MELTF: variants seen among roughly 807,000 people sequenced by gnomAD.
MELTF encodes antigen p97 (melanoma associated) identified by monoclonal antibodies 133.2 and 96.5.
A neutral mutation model predicts 83.7 loss-of-function variants in MELTF; 67 were observed. The observed-to-expected ratio is 0.80, with a 90% CI of 0.66 to 0.98. The LOEUF is 0.98. Among genes scored for constraint, MELTF ranks in the 50% least tolerant of loss-of-function variants. The pLI, the probability that MELTF is intolerant of heterozygous loss-of-function variation, is 0.00. For synonymous variants in MELTF, 462 were observed against 447.6 expected, an observed-to-expected ratio of 1.03 and a Z score of -0.41; for missense variants, 1,002 against 1,035.6, an observed-to-expected ratio of 0.97 and a Z score of 0.44.
chr3:197,027,658 G>C, intron 2 of MELTF, 98 bp downstream of exon 2: 1 of 1,404,686 alleles, frequency 7.1e-7, no homozygotes, highest in South Asian at 1.4e-5. Context: ...GGGCCTGGCA[G>C]GGCGAGGTCG....
Position 197,016,222 on chromosome 3 carries a change from G to A in MELTF, c.1048C>T (p.His350Tyr). 1 of 1,595,138 alleles carries A rather than the reference G, an allele frequency of 6.3e-7. No individual in the cohort carries two copies. Residue 350 changes from histidine (H) to tyrosine (Y), a missense_variant, in exon 8 of 16, where the codon CAC becomes TAC. Physicochemically the swap from His to Tyr is moderately conservative, Grantham distance 83 (BLOSUM62 2). Coordinates refer to ENST00000296350, the MANE Select transcript of MELTF (RefSeq NM_005929.6). ...TCACAGAGCAGACCCTTCATGGCGTGCAGGTACTCATGGCCCAGCCACGCC... is the reference window on the plus strand; with the variant it reads ...TCACAGAGCAGACCCTTCATGGCGTACAGGTACTCATGGCCCAGCCACGCC... ...YEAWLGHEYL[H>Y]AMKGLLCDPN...
At position 197,021,463 on chromosome 3, in the gene MELTF, G is replaced by T; in HGVS notation, c.653C>A (p.Ala218Glu). Residue 218 changes from alanine (A) to glutamate (E), a missense_variant, in exon 6 of 16, where the codon GCG becomes GAG. Transcript: ENST00000296350. ...AAAAGCCACGTCCCCTGCCCCTTCC[G>T]CCAGGCACCTGCGGAGGAGAAGCTG... is the stretch of plus-strand genomic sequence containing the variant. ...YDYSGAFRCL[A>E]EGAGDVAFVK... The T allele has an allele frequency of 6.2e-7, 1 of 1,613,678 alleles. No homozygotes were observed.
intron 9 of MELTF, 45 bp downstream of exon 9, chr3:197,015,320 C>G (rs1308138592): frequency 6.5e-7 from 1 of 1,527,960 alleles, no homozygotes; most frequent in Non-Finnish European, 8.8e-7. Flanking sequence ...CAGGCACTGC[C>G]ACCACCCGCC....
At position 197,009,621 on chromosome 3, in the gene MELTF, TGAG is replaced by T. The variant is rs762499370; in HGVS notation, c.1519_1521del (p.Leu507del). 1.2e-6 allele frequency: 2 copies of T among 1,602,520 alleles called. No individual in the cohort carries two copies. The highest frequency in any genetic ancestry group is 1.7e-6 in the Non-Finnish European group (2 of 1,170,458). On this transcript the variant is annotated inframe_deletion, in exon 11 of 16. Transcript: ENST00000296350. ...GTTCCTAAAAAGGGGGGGGTACCTGTGAGGACGTCACAGTCCTTGGGCCGGATG... is the reference window on the plus strand; with the variant it reads ...GTTCCTAAAAAGGGGGGGGTACCTGTGACGTCACAGTCCTTGGGCCGGATG...
Position 197,007,739 on chromosome 3 carries a change from G to A in MELTF, c.1750+918C>T, listed in dbSNP as rs1458174192. ...CTCTGCTGGGGCAAATGGTCCTACCGCCTTGGTGACCCCCATAGGAGGCAA... is the reference window on the plus strand; with the variant it reads ...CTCTGCTGGGGCAAATGGTCCTACCACCTTGGTGACCCCCATAGGAGGCAA... On this transcript the variant is annotated intron_variant, in intron 13 of 15. Transcript: ENST00000296350. This position sits in a 1 kb window ranked among gnomAD's most constrained non-coding sequence, Gnocchi z 4.3. Among the ~76,000 whole-genome samples, 2 of 152,186 alleles carry A rather than the reference G, an allele frequency of 1.3e-5. No individual in the cohort carries two copies. Among genetic ancestry groups the A allele is most frequent in the Non-Finnish European group, 1.5e-5 (1 of 68,034 alleles).
chr3:197,012,442 G>A (rs923986478), intron 9 of MELTF, among the ~76,000 whole-genome samples: 1 of 152,266 alleles, frequency 6.6e-6, no homozygotes, highest in African/African-American at 2.4e-5. Flanking sequence ...CAGCTTGCGC[G>A]ATGGTCATCG....
chr3:197,020,489 G>GCACACACA (rs57202737), intron 6 of MELTF, among the ~76,000 whole-genome samples: 1 of 149,386 alleles, frequency 6.7e-6, no homozygotes, highest in African/African-American at 2.5e-5. Flanking sequence ...GAACACACAC[G>GCACACACA]CACACACACA....
In MELTF at chr3:197,017,170, G is replaced by A. The variant is rs796843985; in HGVS notation, c.833C>T (p.Ala278Val). 3.1e-6 allele frequency: 5 copies of A among 1,610,488 alleles called. No individual in the cohort carries two copies. The African/African-American group carries it at 5.3e-5, about 17-fold the overall frequency. Residue 278 changes from alanine to valine, a missense_variant, in exon 7 of 16, where the codon GCT (alanine) becomes GTT (valine). Physicochemically the swap from Ala to Val is moderately conservative, Grantham distance 64. Coordinates refer to ENST00000296350, the MANE Select transcript of MELTF (RefSeq NM_005929.6). ...GTCGGCCCGGACCACCACGGCGTGA[G>A]CAGGCACCCGGGCCAGATGGCACTG... The part of the protein sequence containing the change: ...WRQCHLARVP[A>V]HAVVVRADTD...
chr3:197,022,221 A>C lies in MELTF; in HGVS notation c.644+736T>G, dbSNP rs1230501947. Among the ~76,000 whole-genome samples, 1 of 152,072 alleles carries C rather than the reference A, an allele frequency of 6.6e-6. No homozygotes were observed. Among genetic ancestry groups the C allele is most frequent in the African/African-American group, 2.4e-5 (1 of 41,346 alleles). On this transcript the variant is annotated intron_variant, in intron 5 of 15. Transcript: ENST00000296350. The surrounding 1 kb of genome is among the most constrained non-coding windows in gnomAD (Gnocchi z 5.1). ...GGGTCCCCACGGGCAGAAAATGCAC[A>C]GGGATTAGAGCAGATCGGGGCGGGC...
At chr3:197,016,505 T>A in intron 7 of MELTF, 136 bp from the exon 8 acceptor site, 1 of 713,648 alleles carries the variant, frequency 1.4e-6, no homozygotes, top group Non-Finnish European at 2.2e-6. Flanking sequence ...GAGGCCTCCC[T>A]CTTCTGCGGC....
intron 3 of MELTF, 172 bp downstream of exon 3, chr3:197,026,488 G>C: frequency 1.6e-6 from 1 of 614,598 alleles, no homozygotes. Flanking sequence ...TGTCCCTGGA[G>C]CTCCTGTCCC....
intron 14 of MELTF, among the ~76,000 whole-genome samples, chr3:197,005,597 G>T (rs1718944777): frequency 6.6e-6 from 1 of 152,236 alleles, no homozygotes; most frequent in South Asian, 2.1e-4. Context: ...AGTGGCCAGA[G>T]AGTGAGAGGA....
rs924238497 is a variant in MELTF at position 197,029,792 on chromosome 3, C to A, written c.-90G>T. 2.1e-6 allele frequency: 2 copies of A among 932,180 alleles called. No homozygotes were observed. Among genetic ancestry groups the A allele is most frequent in the Non-Finnish European group, 2.8e-6 (2 of 715,684 alleles). The allele number at this position is 932,180 out of a possible 1,614,324, so 57.7% of individuals were successfully genotyped here. ...GCCGGGCTTCCTCCCTGCTCCCCCTCGCGCTGGCCCGAGCTCCTTAAGTGC... is the reference window on the plus strand; with the variant it reads ...GCCGGGCTTCCTCCCTGCTCCCCCTAGCGCTGGCCCGAGCTCCTTAAGTGC... On this transcript the variant is annotated 5_prime_UTR_variant, in exon 1 of 16. Coordinates refer to ENST00000296350, the MANE Select transcript of MELTF (RefSeq NM_005929.6). The surrounding 1 kb of genome is among the most constrained non-coding windows in gnomAD (Gnocchi z 6.5).
chr3:197,008,881 C>A lies in MELTF; in HGVS notation c.1610G>T (p.Gly537Val), dbSNP rs747877817. The change falls in exon 12 of 16, where the codon GGG becomes GTG. Residue 537 changes from glycine (G) to valine (V), a missense_variant. Coordinates refer to ENST00000296350, the MANE Select transcript of MELTF (RefSeq NM_005929.6). The surrounding 1 kb of genome is among the most constrained non-coding windows in gnomAD (Gnocchi z 5.4). ...YPSSLCALCV[G>V]DEQGRNKCVG... ...ACACTTGTTGCGGCCCTGCTCGTCC[C>A]CCACGCACAGTGCACACAGCGAGGA... 1.9e-6 allele frequency: 3 copies of A among 1,614,080 alleles called. No individual in the cohort carries two copies. In the African/African-American group the frequency reaches 4.0e-5, roughly 22 times the overall value.
rs750428164 is a variant in MELTF, at chr3:197,017,209, A to G, written c.794T>C (p.Val265Ala). The change falls in exon 7 of 16, where the codon GTC becomes GCC. Residue 265 changes from valine (V) to alanine (A), a missense_variant. Transcript: ENST00000296350. ...LLCRDGSRADVTEWRQCHLAR... is the reference protein window; with the variant it reads ...LLCRDGSRADATEWRQCHLAR... Reference sequence around the variant, plus strand: ...CAGATGGCACTGCCTCCACTCGGTGACATCGGCCCGGCTACCATCCCGGCA... The same window carrying G: ...CAGATGGCACTGCCTCCACTCGGTGGCATCGGCCCGGCTACCATCCCGGCA... The G allele has an allele frequency of 6.2e-7, 1 of 1,600,620 alleles. No homozygotes were observed. The highest frequency in any genetic ancestry group is 1.1e-5 in the South Asian group (1 of 88,302).
chr3:197,024,509 A>AG lies in MELTF; in HGVS notation c.305-25dup, dbSNP rs760313676. Reference sequence around the variant, plus strand: ...CTCTAGGAGGGGAGGGGAGTGGGTGAGGGCAGCAGGGAGAGGCCTCGAGAG... The same window carrying AG: ...CTCTAGGAGGGGAGGGGAGTGGGTGAGGGGCAGCAGGGAGAGGCCTCGAGAG... On this transcript the variant is annotated intron_variant, in intron 3 of 15. Transcript: ENST00000296350. The surrounding 1 kb of genome is among the most constrained non-coding windows in gnomAD (Gnocchi z 5.3). The AG allele has an allele frequency of 5.6e-5, 87 of 1,546,880 alleles. No individual in the cohort carries two copies. Among genetic ancestry groups the AG allele is most frequent in the Non-Finnish European group, 1.1e-5 (13 of 1,139,550 alleles).
chr3:197,022,858 C>G lies in MELTF; in HGVS notation c.644+99G>C. On this transcript the variant is annotated intron_variant, in intron 5 of 15. Coordinates refer to ENST00000296350, the MANE Select transcript of MELTF (RefSeq NM_005929.6). This position sits in a 1 kb window ranked among gnomAD's most constrained non-coding sequence, Gnocchi z 5.1. ...TGAGACGCAGCCAACATGCCACTTC[C>G]CCCTCCACGGCCCTCTCTGGGCAAA... 8.5e-7 allele frequency: 1 copy of G among 1,170,634 alleles called. No individual in the cohort carries two copies. Among genetic ancestry groups the G allele is most frequent in the Non-Finnish European group, 1.2e-6 (1 of 820,036 alleles). The allele number at this position is 1,170,634 out of a possible 1,614,324, so 72.5% of individuals were successfully genotyped here. A position where few individuals can be genotyped will look rare whatever the true frequency, so the allele number is the denominator to read the frequency against.
chr3:197,019,804 G>C, intron 6 of MELTF: 1 of 1,565,152 alleles, frequency 6.4e-7, no homozygotes, highest in Non-Finnish European at 8.7e-7. Context: ...TGGACTTTCT[G>C]ATTTAAAAGG....
At chr3:197,027,636 A>G in intron 2 of MELTF, 120 bp downstream of exon 2, 2 of 1,274,190 alleles carry the variant, frequency 1.6e-6, no homozygotes, top group South Asian at 1.6e-5. Flanking sequence ...GACTCGGGAG[A>G]TCCTATCGGC....
Sources: gnomAD v4.1 joint callset for allele counts (sites outside exome capture counted in the v4.1 genomes callset) on GRCh38, gnomAD v4.1.1 for gene constraint, Gnocchi (gnomAD v3.1) non-coding constraint, MANE v1.5 for transcripts, NCBI Gene and HGNC (gene_info 2026-07-23, HGNC 2026-07-21) for gene names.